Variants in STK32A observed in about 807,000 individuals in gnomAD.
STK32A encodes the protein serine/threonine kinase 32A, also known as serine/threonine-protein kinase 32A.
In STK32A, 41 loss-of-function variants were observed where a neutral mutation model predicts 53.2. The ratio of observed to expected loss-of-function variants is 0.77; its 90% CI spans 0.60 to 1.00. The LOEUF (loss-of-function observed/expected upper bound fraction) is 1.00, where lower values mean the gene tolerates loss of function less well. Ranked by LOEUF, STK32A falls within the 50% of genes least tolerant of loss-of-function variation. The pLI is 0.00. For missense variants in STK32A, 458 were observed against 485.8 expected, an observed-to-expected ratio of 0.94 and a Z score of 0.54; for synonymous variants, 166 against 162.8, an observed-to-expected ratio of 1.02 and a Z score of -0.15.
At position 147,384,249 on chromosome 5, in the gene STK32A, G is replaced by A. The variant is rs878910263; in HGVS notation, c.*266G>A. On this transcript the variant is annotated 3_prime_UTR_variant, in exon 13 of 13. Coordinates refer to ENST00000397936, the MANE Select transcript of STK32A (RefSeq NM_001112724.2). ...TACTTTATTTATCTAAAATGAGAGG[G>A]TTATACTAGACGAGCCATACCCTGC... 1 of 1,343,450 alleles carries A rather than the reference G, an allele frequency of 7.4e-7. No individual in the cohort carries two copies. The highest frequency in any genetic ancestry group is 1.5e-5 in the African/African-American group (1 of 67,002). The allele number at this position is 1,343,450 out of a possible 1,614,324, so 83.2% of individuals were successfully genotyped here.
At chr5:147,337,622 T>G (rs1307519016) in intron 5 of STK32A, among the ~76,000 whole-genome samples, 1 of 152,062 alleles carries the variant, frequency 6.6e-6, no homozygotes, top group Non-Finnish European at 1.5e-5. Flanking sequence ...ACTTTATTCT[T>G]GGGTACTTTT....
intron 4 of STK32A, among the ~76,000 whole-genome samples, chr5:147,298,244 C>T (rs760745841): frequency 1.3e-5 from 2 of 152,116 alleles, no homozygotes; most frequent in Non-Finnish European, 2.9e-5. Flanking sequence ...AAGAGAAAAC[C>T]TCCAAAATCT....
intron 4 of STK32A, among the ~76,000 whole-genome samples, chr5:147,313,841 A>G (rs1753822587): frequency 1.3e-5 from 2 of 152,218 alleles, no homozygotes; most frequent in Non-Finnish European, 2.9e-5. Context: ...CTTTTCAACA[A>G]CTGGTGCTGG....
In STK32A at chr5:147,385,736, T is replaced by A. The variant is rs1159346604; in HGVS notation, c.*1753T>A. 6.6e-6 allele frequency: 1 copy of A among 152,218 alleles called. No individual in the cohort carries two copies. The highest frequency in any genetic ancestry group is 1.5e-5 in the Non-Finnish European group (1 of 68,050). The allele number at this position is 152,218 out of a possible 1,614,324, so 9.4% of individuals were successfully genotyped here. ...CTATTTTTGGCAACCCCTATGCCCCTGGGTAGGGTCCAGAAGTGAACAGGC... is the reference window on the plus strand; with the variant it reads ...CTATTTTTGGCAACCCCTATGCCCCAGGGTAGGGTCCAGAAGTGAACAGGC... On this transcript the variant is annotated 3_prime_UTR_variant, in exon 13 of 13. Coordinates refer to ENST00000397936, the MANE Select transcript of STK32A (RefSeq NM_001112724.2).
At chr5:147,363,347 C>G (rs1423150886) in intron 8 of STK32A, among the ~76,000 whole-genome samples, 1 of 151,438 alleles carries the variant, frequency 6.6e-6, no homozygotes, top group African/African-American at 2.4e-5. Flanking sequence ...AGCAATCACT[C>G]TCATGGCTGG....
intron 6 of STK32A, among the ~76,000 whole-genome samples, chr5:147,345,743 A>G (rs1242299295): frequency 6.6e-6 from 1 of 152,128 alleles, no homozygotes; most frequent in East Asian, 1.9e-4. Context: ...AATACAAGCC[A>G]TCATTCCAGT....
the STK32A span, among the ~76,000 whole-genome samples, chr5:147,398,297 T>C: frequency 0.46 from 69,661 of 152,070 alleles, 16,694 homozygotes; most frequent in African/African-American, 0.57. Flanking sequence ...ATTTACTCAA[T>C]CAGCAAGAGG....
chr5:147,292,946 T>A (rs1752674416), intron 4 of STK32A, among the ~76,000 whole-genome samples: 1 of 152,254 alleles, frequency 6.6e-6, no homozygotes, highest in South Asian at 2.1e-4. Context: ...GTTAGCAATC[T>A]TCACGAACTG....
At chr5:147,296,511 C>T (rs1460419576) in intron 4 of STK32A, among the ~76,000 whole-genome samples, 1 of 151,826 alleles carries the variant, frequency 6.6e-6, no homozygotes, top group Non-Finnish European at 1.5e-5. Context: ...TGCATGCTTA[C>T]TTGAGGCATC....
intron 1 of STK32A, among the ~76,000 whole-genome samples, chr5:147,236,973 A>G (rs1753349496): frequency 6.6e-6 from 1 of 152,150 alleles, no homozygotes; most frequent in African/African-American, 2.4e-5. Context: ...AAAATAAAAG[A>G]CAATGTAGCC....
chr5:147,236,598 G>A (rs1753334201), intron 1 of STK32A, among the ~76,000 whole-genome samples: 1 of 152,156 alleles, frequency 6.6e-6, no homozygotes, highest in African/African-American at 2.4e-5. Context: ...AAACTGGATT[G>A]TGTATGTTAG....
rs548884348 is a variant in STK32A, at chr5:147,280,968, C to T, written c.260+1570C>T. On this transcript the variant is annotated intron_variant, in intron 4 of 12. Coordinates refer to ENST00000397936, the MANE Select transcript of STK32A (RefSeq NM_001112724.2). Reference sequence around the variant, plus strand: ...ATGGTTCACATCACAGGACTCTGTGCAGACGACTTCCAGTACCAGCCTGGA... The same window carrying T: ...ATGGTTCACATCACAGGACTCTGTGTAGACGACTTCCAGTACCAGCCTGGA... Among the ~76,000 whole-genome samples, 5 of 152,310 alleles carry T rather than the reference C, an allele frequency of 3.3e-5. No individual in the cohort carries two copies. In the South Asian group the frequency reaches 1.0e-3, roughly 32 times the overall value.
chr5:147,295,131 C>T (rs1023415583), intron 4 of STK32A, among the ~76,000 whole-genome samples: 4 of 152,098 alleles, frequency 2.6e-5, no homozygotes, highest in Non-Finnish European at 4.4e-5. Flanking sequence ...AAAGTTGTTT[C>T]CTCAATTATT....
rs777812519 is a variant in STK32A at position 147,383,971 on chromosome 5, T to A, written c.1179T>A (p.Asn393Lys). 7.9e-5 allele frequency: 127 copies of A among 1,604,564 alleles called. No individual in the cohort carries two copies. Among genetic ancestry groups the A allele is most frequent in the Non-Finnish European group, 8.2e-5 (97 of 1,177,100 alleles). Residue 393 changes from asparagine (N) to lysine (K), a missense_variant, in exon 13 of 13, where the codon AAT (asparagine) becomes AAA (lysine). By Grantham distance (94) the Asn-to-Lys change is moderately conservative. Coordinates refer to ENST00000397936, the MANE Select transcript of STK32A (RefSeq NM_001112724.2). ...ACCCACAAGGTGAGGATGGTCAGAA[T>A]AACAACTTGTAAAGGCCTCATGTCT... ...TKDPQGEDGQNNNL is the reference protein window; with the variant it reads ...TKDPQGEDGQKNNL
At chr5:147,289,788 G>T (rs533764271) in intron 4 of STK32A, among the ~76,000 whole-genome samples, 12 of 152,006 alleles carry the variant, frequency 7.9e-5, no homozygotes, top group Non-Finnish European at 1.6e-4. Flanking sequence ...CTTCTAACAT[G>T]TTGGTGTATG....
chr5:147,393,013 A>G, the STK32A span: 2 of 152,236 alleles, frequency 1.3e-5, no homozygotes, highest in African/African-American at 4.8e-5. Context: ...AATCAAACAC[A>G]AACTGCCTGT....
At chr5:147,250,592 T>C (rs947581095) in intron 2 of STK32A, among the ~76,000 whole-genome samples, 3 of 152,038 alleles carry the variant, frequency 2.0e-5, no homozygotes, top group African/African-American at 7.3e-5. Context: ...AGCAGTTTAG[T>C]GGAGTGTGGA....
the STK32A span, among the ~76,000 whole-genome samples, chr5:147,399,790 A>G: frequency 6.6e-6 from 1 of 152,232 alleles, no homozygotes; most frequent in Non-Finnish European, 1.5e-5. Flanking sequence ...TTAAAAATAT[A>G]TATTATCTTG....
intron 5 of STK32A, among the ~76,000 whole-genome samples, chr5:147,325,384 C>T (rs1376218558): frequency 6.6e-6 from 1 of 151,808 alleles, no homozygotes; most frequent in Non-Finnish European, 1.5e-5. Flanking sequence ...AACTTTTGGC[C>T]TCAAGTTGTC....
Sources: gnomAD v4.1 joint callset for allele counts (sites outside exome capture counted in the v4.1 genomes callset) on GRCh38, gnomAD v4.1.1 for gene constraint, MANE v1.5 for transcripts, NCBI Gene and HGNC (gene_info 2026-07-23, HGNC 2026-07-21) for gene names.